Variants in BSN observed in about 807,000 individuals in gnomAD.
The protein encoded by BSN is protein bassoon.
Under a neutral mutation model 264.8 loss-of-function variants are expected in BSN, and 57 were observed. That is an observed-to-expected ratio of 0.22 (90% CI 0.17 to 0.27). BSN has a LOEUF of 0.27. Ranked by LOEUF, BSN falls within the 10% of genes least tolerant of loss-of-function variation. BSN has a pLI of 1.00. For synonymous variants in BSN, 2,059 were observed against 2,137.3 expected (o/e 0.96, Z 1.01); for missense variants, 4,615 against 5,232.5 (o/e 0.88, Z 3.64).
intron 1 of BSN, among the ~76,000 whole-genome samples, chr3:49,575,652 G>C (rs2051840532): frequency 1.5e-5 from 1 of 66,598 alleles, no homozygotes; most frequent in Non-Finnish European, 2.7e-5. Context: ...ATATGTGTGT[G>C]TGTGTGTATA....
intron 3 of BSN, among the ~76,000 whole-genome samples, chr3:49,643,961 G>A (rs1413495161): frequency 6.6e-6 from 1 of 152,224 alleles, no homozygotes; most frequent in Non-Finnish European, 1.5e-5. Context: ...TCCAGCCCAA[G>A]AGGCTCAGAA....
At position 49,621,674 on chromosome 3, in the gene BSN, G is replaced by T. The variant is rs2052306853; in HGVS notation, c.225-3301G>T. On this transcript the variant is annotated intron_variant, in intron 1 of 11. Transcript: ENST00000296452. ...AAGCCAGGTTGGAGGGGTAGGTTGA[G>T]AGGGAGAGAGGAGAGGAGTGGGAGG... 2.6e-5 allele frequency among the ~76,000 whole-genome samples: 4 copies of T among 152,142 alleles called. No homozygotes were observed. The South Asian group carries it at 8.3e-4, about 32-fold the overall frequency.
chr3:49,600,434 G>A (rs2052065021), intron 1 of BSN, among the ~76,000 whole-genome samples: 3 of 152,178 alleles, frequency 2.0e-5, no homozygotes, highest in Admixed American at 6.5e-5. Flanking sequence ...CAGAAGCCAA[G>A]GGCTTGGAAT....
chr3:49,556,264 C>T (rs1380141555), intron 1 of BSN, among the ~76,000 whole-genome samples: 1 of 152,220 alleles, frequency 6.6e-6, no homozygotes, highest in Admixed American at 6.5e-5. Context: ...CATTTCTCTT[C>T]TGATAACCAA....
Position 49,661,630 on chromosome 3 carries a change from G to A in BSN, c.9785G>A (p.Ser3262Asn). The change falls in exon 6 of 12, where the codon AGT becomes AAT. Residue 3262 changes from serine (S) to asparagine (N), a missense_variant. By Grantham distance (46) the Ser-to-Asn change is conservative. Around this residue, in one of 3 missense-constraint regions of BSN, gnomAD observed 3,415 missense variants for 3,866.4 expected, o/e 0.88. Transcript: ENST00000296452. Reference protein sequence around the residue: ...QRLEPLGPGSSGRPGKEPGEP... With the variant: ...QRLEPLGPGSNGRPGKEPGEP... Reference sequence around the variant, plus strand: ...CTGGAGCCCCTGGGGCCAGGCAGCAGTGGGCGTCCAGGGAAGGAGCCTGGA... The same window carrying A: ...CTGGAGCCCCTGGGGCCAGGCAGCAATGGGCGTCCAGGGAAGGAGCCTGGA... 6.2e-7 allele frequency: 1 copy of A among 1,613,592 alleles called. No individual in the cohort carries two copies. Among genetic ancestry groups the A allele is most frequent in the Non-Finnish European group, 8.5e-7 (1 of 1,180,038 alleles).
intron 2 of BSN, among the ~76,000 whole-genome samples, chr3:49,633,255 T>C (rs1411094812): frequency 6.8e-6 from 1 of 146,934 alleles, no homozygotes; most frequent in East Asian, 2.0e-4. Context: ...TGAGCCAAGA[T>C]CACGCCACTG....
chr3:49,589,974 AC>A (rs1334920418), intron 1 of BSN, among the ~76,000 whole-genome samples: 2 of 151,502 alleles, frequency 1.3e-5, no homozygotes, highest in African/African-American at 4.9e-5. Context: ...AGGAGATGGG[AC>A]TACAGTCGTG....
At chr3:49,634,594 A>G (rs2052407542) in intron 2 of BSN, among the ~76,000 whole-genome samples, 1 of 152,122 alleles carries the variant, frequency 6.6e-6, no homozygotes, top group Non-Finnish European at 1.5e-5. Flanking sequence ...GTTTCACCAC[A>G]TTGGCCAGTC....
Position 49,657,593 on chromosome 3 carries a change from C to A in BSN, c.8037C>A (p.Asp2679Glu). The A allele has an allele frequency of 6.2e-7, 1 of 1,611,376 alleles. No homozygotes were observed. The highest frequency in any genetic ancestry group is 8.5e-7 in the Non-Finnish European group (1 of 1,178,804). ...ACTGCTCCGTGCAGACGGAGCCTGACCAGCTGCCCAGGGTCTCTCCAGCCA... is the reference window on the plus strand; with the variant it reads ...ACTGCTCCGTGCAGACGGAGCCTGAACAGCTGCCCAGGGTCTCTCCAGCCA... Reference protein sequence around the residue: ...ISDCSVQTEPDQLPRVSPAIH... With the variant: ...ISDCSVQTEPEQLPRVSPAIH... The change falls in exon 5 of 12, where the codon GAC becomes GAA. Residue 2679 changes from aspartate (D) to glutamate (E), a missense_variant. Coordinates refer to ENST00000296452, the MANE Select transcript of BSN (RefSeq NM_003458.4).
chr3:49,573,024 T>G (rs1262841045), intron 1 of BSN, among the ~76,000 whole-genome samples: 2 of 152,196 alleles, frequency 1.3e-5, no homozygotes, highest in Admixed American at 6.5e-5. Flanking sequence ...ACTCCGTCTT[T>G]CCTAGGTGCA....
intron 1 of BSN, among the ~76,000 whole-genome samples, chr3:49,613,908 C>A (rs1042710953): frequency 1.3e-5 from 2 of 152,078 alleles, no homozygotes; most frequent in African/African-American, 4.8e-5. Flanking sequence ...TGAATAAAAA[C>A]TTCTAGAGAT....
At chr3:49,557,507 C>T (rs1374968704) in intron 1 of BSN, among the ~76,000 whole-genome samples, 4 of 151,836 alleles carry the variant, frequency 2.6e-5, no homozygotes, top group Non-Finnish European at 4.4e-5. Flanking sequence ...AATAATTACA[C>T]GAAGGAGCCA....
intron 1 of BSN, among the ~76,000 whole-genome samples, chr3:49,579,217 G>A (rs1346512083): frequency 6.6e-6 from 1 of 151,338 alleles, no homozygotes; most frequent in Admixed American, 6.6e-5. Context: ...TCAAATTCAT[G>A]GCTTCAAGTG....
chr3:49,656,649 C>G lies in BSN; in HGVS notation c.7093C>G (p.Gln2365Glu), dbSNP rs2052604691. The change falls in exon 5 of 12, where the codon CAG (glutamine) becomes GAG (glutamate). Residue 2365 changes from glutamine (Q) to glutamate (E), a missense_variant. Around this residue, in one of 3 missense-constraint regions of BSN, gnomAD observed 3,415 missense variants for 3,866.4 expected, o/e 0.88. Transcript: ENST00000296452. Reference sequence around the variant, plus strand: ...AGAGGAAGCATCACAGGAGGAGAGGCAGCGGAAGCAACAGGAGCAGCTGCT... The same window carrying G: ...AGAGGAAGCATCACAGGAGGAGAGGGAGCGGAAGCAACAGGAGCAGCTGCT... The part of the protein sequence containing the change: ...EKEEASQEER[Q>E]RKQQEQLLQL... 1 of 1,608,634 alleles carries G rather than the reference C, an allele frequency of 6.2e-7. No homozygotes were observed. The highest frequency in any genetic ancestry group is 8.5e-7 in the Non-Finnish European group (1 of 1,177,724).
chr3:49,652,148 C>T lies in BSN; in HGVS notation c.2592C>T (p.Thr864=). Residue 864 remains threonine (T), a synonymous_variant, in exon 5 of 12, where the codon ACC becomes ACT. Transcript: ENST00000296452. Reference sequence around the variant, plus strand: ...ACCTGGAGGAGGATGACACTGCCACCTCCGGGCGTGGCCTGGCCAAACATG... The same window carrying T: ...ACCTGGAGGAGGATGACACTGCCACTTCCGGGCGTGGCCTGGCCAAACATG... The part of the protein sequence containing the change: ...EDNLEEDDTA[T]SGRGLAKHGT... 1 of 1,614,046 alleles carries T rather than the reference C, an allele frequency of 6.2e-7. No homozygotes were observed. Among genetic ancestry groups the T allele is most frequent in the South Asian group, 1.1e-5 (1 of 91,072 alleles).
At chr3:49,574,928 G>A (rs1053831212) in intron 1 of BSN, among the ~76,000 whole-genome samples, 9 of 151,706 alleles carry the variant, frequency 5.9e-5, no homozygotes, top group South Asian at 4.2e-4. Flanking sequence ...ATGAGCCACC[G>A]CACCCAGCTG....
In BSN at chr3:49,559,646, T is replaced by A. The variant is rs146791151; in HGVS notation, c.224+4820T>A. ...ACATTGAATTTGTCTGATGCATCTG[T>A]CTAGTTTCTTTATGTATTTTCTCTC... is the stretch of plus-strand genomic sequence containing the variant. On this transcript the variant is annotated intron_variant, in intron 1 of 11. Transcript: ENST00000296452. 1.1e-3 allele frequency among the ~76,000 whole-genome samples: 172 copies of A among 152,352 alleles called. 2 individuals carry two copies. Among genetic ancestry groups the A allele is most frequent in the Admixed American group, 8.0e-3 (123 of 15,310 alleles).
rs367981179 is a variant in BSN, at chr3:49,663,125, G to A, written c.10967G>A (p.Arg3656His). 8.7e-6 allele frequency: 14 copies of A among 1,611,710 alleles called. No individual in the cohort carries two copies. The highest frequency in any genetic ancestry group is 1.3e-5 in the African/African-American group (1 of 74,926). The change falls in exon 7 of 12, where the codon CGC becomes CAC. Residue 3656 changes from arginine to histidine, a missense_variant. This residue lies in a region of BSN where 3,415 missense variants were observed against 3,866.4 expected (regional missense o/e 0.88). Coordinates refer to ENST00000296452, the MANE Select transcript of BSN (RefSeq NM_003458.4). ...GGTGACCACGGGCGGCACTCAGGCC[G>A]CCACACTGGTGAGGAGCCGGGACGG... is the stretch of plus-strand genomic sequence containing the variant. Reference protein sequence around the residue: ...RHGDHGRHSGRHTGEEPGRRA... With the variant: ...RHGDHGRHSGHHTGEEPGRRA...
chr3:49,589,513 CTT>C (rs34301517), intron 1 of BSN, among the ~76,000 whole-genome samples: 1 of 142,880 alleles, frequency 7.0e-6, no homozygotes, highest in African/African-American at 2.6e-5. Context: ...TTCTTTCTTT[CTT>C]TTTTTTTTTG....
Sources: gnomAD v4.1 joint callset for allele counts (sites outside exome capture counted in the v4.1 genomes callset) on GRCh38, gnomAD v4.1.1 for gene constraint, gnomAD v4.1.1 regional missense constraint, MANE v1.5 for transcripts, NCBI Gene and HGNC (gene_info 2026-07-23, HGNC 2026-07-21) for gene names.